TGFBR3: variants seen among roughly 807,000 people sequenced by gnomAD.
The protein encoded by TGFBR3 is transforming growth factor beta receptor type 3.
TGFBR3 carries 46 observed loss-of-function variants against 87.9 expected under a neutral mutation model. The observed-to-expected ratio is 0.52, with a 90% CI of 0.41 to 0.67. The LOEUF (loss-of-function observed/expected upper bound fraction) is 0.67, where lower values mean the gene tolerates loss of function less well. Among genes scored for constraint, TGFBR3 ranks in the 30% least tolerant of loss-of-function variants. The pLI, the probability that TGFBR3 is intolerant of heterozygous loss-of-function variation, is 0.00. For missense variants in TGFBR3, 866 were observed against 1,041.9 expected, an observed-to-expected ratio of 0.83 and a Z score of 2.32; for synonymous variants, 381 against 391.6, an observed-to-expected ratio of 0.97 and a Z score of 0.32.
intron 16 of TGFBR3, 35 bp downstream of exon 16, chr1:91,695,637 C>G: frequency 1.3e-6 from 2 of 1,525,796 alleles, no homozygotes; most frequent in Non-Finnish European, 1.8e-6. Context: ...GGAACACAAG[C>G]TGTTCACCAA....
chr1:91,893,965 C>T (rs1028871742), intron 2 of TGFBR3, among the ~76,000 whole-genome samples: 1 of 149,992 alleles, frequency 6.7e-6, no homozygotes, highest in African/African-American at 2.4e-5. Context: ...CGCGGTGGCT[C>T]ACACCTGTAA....
At chr1:91,735,027 T>C in intron 4 of TGFBR3, 68 bp from the exon 5 acceptor site, 1 of 1,571,634 alleles carries the variant, frequency 6.4e-7, no homozygotes, top group Non-Finnish European at 8.7e-7. Context: ...TTAGAGAAAG[T>C]ACTTCTCAAA....
At chr1:91,807,001 C>T (rs977966221) in intron 2 of TGFBR3, among the ~76,000 whole-genome samples, 5 of 152,202 alleles carry the variant, frequency 3.3e-5, no homozygotes, top group Non-Finnish European at 7.3e-5. Flanking sequence ...ATGTTACCAA[C>T]ACAGGATATG....
chr1:91,779,673 C>T (rs1031956883), intron 3 of TGFBR3, among the ~76,000 whole-genome samples: 7 of 152,186 alleles, frequency 4.6e-5, no homozygotes, highest in Non-Finnish European at 7.3e-5. Context: ...TGTGTGGTAG[C>T]GTCCTTTACA....
chr1:91,682,142 C>T lies in TGFBR3; in HGVS notation c.*1597G>A, dbSNP rs191543210. 103 of 453,918 alleles carry T rather than the reference C, an allele frequency of 2.3e-4. No homozygotes were observed. Among genetic ancestry groups the T allele is most frequent in the African/African-American group, 1.9e-3 (93 of 50,048 alleles). The allele number at this position is 453,918 out of a possible 1,614,324, so 28.1% of individuals were successfully genotyped here. On this transcript the variant is annotated 3_prime_UTR_variant, in exon 17 of 17. Coordinates refer to ENST00000212355, the MANE Select transcript of TGFBR3 (RefSeq NM_003243.5). Reference sequence around the variant, plus strand: ...AAAAATGATTGTCAATTTCCACATACTTGTTTCCCATGTAGACACTGCCCT... The same window carrying T: ...AAAAATGATTGTCAATTTCCACATATTTGTTTCCCATGTAGACACTGCCCT...
chr1:91,687,611 G>A (rs1027159165), intron 16 of TGFBR3, among the ~76,000 whole-genome samples: 3 of 152,162 alleles, frequency 2.0e-5, no homozygotes, highest in Non-Finnish European at 4.4e-5. Flanking sequence ...TTGGTATTTA[G>A]GCCAAAGGAG....
intron 14 of TGFBR3, among the ~76,000 whole-genome samples, chr1:91,704,327 CAAAAA>C (rs68141642): frequency 7.6e-6 from 1 of 131,480 alleles, no homozygotes; most frequent in South Asian, 2.6e-4. Flanking sequence ...GACTTTGTCT[CAAAAA>C]AAAAAAAAAA....
In TGFBR3 at chr1:91,695,653, A is replaced by T. The variant is rs913608962; in HGVS notation, c.2437+19T>A. On this transcript the variant is annotated intron_variant, in intron 16 of 16. Coordinates refer to ENST00000212355, the MANE Select transcript of TGFBR3 (RefSeq NM_003243.5). Reference sequence around the variant, plus strand: ...GAACACAAGCTGTTCACCAACTCTTACTCAACAGTCACACTAACCTGTGTG... The same window carrying T: ...GAACACAAGCTGTTCACCAACTCTTTCTCAACAGTCACACTAACCTGTGTG... 2.1e-5 allele frequency: 34 copies of T among 1,592,922 alleles called. No homozygotes were observed. The highest frequency in any genetic ancestry group is 2.7e-5 in the African/African-American group (2 of 74,488).
At chr1:91,750,443 C>T (rs1321983449) in intron 4 of TGFBR3, among the ~76,000 whole-genome samples, 3 of 152,046 alleles carry the variant, frequency 2.0e-5, no homozygotes, top group Non-Finnish European at 1.5e-5. Flanking sequence ...ACAGGAATGA[C>T]TTGTTTGAAC....
chr1:91,772,352 G>GGATCCCATTTTTGTTTAC (rs1472530202), intron 3 of TGFBR3, among the ~76,000 whole-genome samples: 10 of 152,038 alleles, frequency 6.6e-5, no homozygotes, highest in Non-Finnish European at 1.5e-4. Context: ...TTTTTGTTTA[G>GGATCCCATTTTTGTTTAC]GATCTAAAGG....
chr1:91,727,840 T>A, intron 6 of TGFBR3, 34 bp from the exon 7 acceptor site: 2 of 1,612,276 alleles, frequency 1.2e-6, no homozygotes. Context: ...AGTTAAGACC[T>A]ACATGCCAGA....
At chr1:91,756,009 C>T (rs1673728638) in intron 4 of TGFBR3, among the ~76,000 whole-genome samples, 1 of 152,210 alleles carries the variant, frequency 6.6e-6, no homozygotes, top group Non-Finnish European at 1.5e-5. Context: ...ATCTCACTTA[C>T]TCAAGATAAC....
rs1320505156 is a variant in TGFBR3, at chr1:91,736,050, A to T, written c.385-1091T>A. On this transcript the variant is annotated intron_variant, in intron 4 of 16. Coordinates refer to ENST00000212355, the MANE Select transcript of TGFBR3 (RefSeq NM_003243.5). ...CAGCATTTTTAACACACACAAAATT[A>T]TATTTTCCCAGCTACTGTGCTAGGC... Among the ~76,000 whole-genome samples the T allele has an allele frequency of 9.2e-5, 14 of 152,232 alleles. 1 individual carries two copies.
At chr1:91,806,301 A>G (rs1675823661) in intron 2 of TGFBR3, among the ~76,000 whole-genome samples, 1 of 152,138 alleles carries the variant, frequency 6.6e-6, no homozygotes, top group South Asian at 2.1e-4. Context: ...CAGCATTCCA[A>G]TCTCAGTTAC....
intron 14 of TGFBR3, among the ~76,000 whole-genome samples, chr1:91,705,091 T>A (rs1238507972): frequency 6.6e-6 from 1 of 152,176 alleles, no homozygotes; most frequent in Non-Finnish European, 1.5e-5. Flanking sequence ...GTCCCATTGG[T>A]TAGGAAATTT....
intron 1 of TGFBR3, among the ~76,000 whole-genome samples, chr1:91,872,980 G>C (rs568137630): frequency 6.6e-6 from 1 of 151,936 alleles, no homozygotes; most frequent in South Asian, 2.1e-4. Flanking sequence ...TGGTGGGAGG[G>C]GGGGATAGGG....
intron 1 of TGFBR3, among the ~76,000 whole-genome samples, chr1:91,862,389 G>C (rs1678236265): frequency 6.6e-6 from 1 of 152,048 alleles, no homozygotes; most frequent in Non-Finnish European, 1.5e-5. Flanking sequence ...GTTGTGCTAG[G>C]AATCAATCTG....
chr1:91,705,999 G>A (rs1163475051), intron 14 of TGFBR3, among the ~76,000 whole-genome samples: 3 of 152,188 alleles, frequency 2.0e-5, no homozygotes, highest in Non-Finnish European at 4.4e-5. Context: ...AAGAAGAATG[G>A]ATGAATTGCT....
chr1:91,710,710 C>T lies in TGFBR3; in HGVS notation c.2166+1533G>A, dbSNP rs182011390. ...ATTGTACATACTGTCCTATTTGCTC[C>T]TCTACCCAGGAGGGAAGCCAGGTAT... On this transcript the variant is annotated intron_variant, in intron 13 of 16. Transcript: ENST00000212355. Among the ~76,000 whole-genome samples, 9 of 152,306 alleles carry T rather than the reference C, an allele frequency of 5.9e-5. No individual in the cohort carries two copies. In the East Asian group the frequency reaches 1.5e-3, roughly 26 times the overall value.
Sources: allele counts gnomAD v4.1 joint callset (sites outside exome capture counted in the v4.1 genomes callset), GRCh38; gene constraint gnomAD v4.1.1; transcripts MANE v1.5; gene names NCBI Gene and HGNC (gene_info 2026-07-23, HGNC 2026-07-21).